The following SYNE1 variants were observed in gnomAD, a reference collection of about 807,000 sequenced individuals.
SYNE1 encodes spectrin repeat containing nuclear envelope protein 1, also known as nesprin-1.
A neutral mutation model predicts 1,111.0 loss-of-function variants in SYNE1; 616 were observed. That is an observed-to-expected ratio of 0.55 (90% confidence interval 0.52 to 0.59). SYNE1 has a LOEUF of 0.59. SYNE1 is among the 20% of genes least tolerant of loss of function. The pLI is 0.00. For synonymous variants in SYNE1, 3,855 were observed against 3,825.8 expected, an observed-to-expected ratio of 1.01 and a Z score of -0.28; for missense variants, 10,006 against 10,417.0, an observed-to-expected ratio of 0.96 and a Z score of 1.72.
intron 90 of SYNE1, among the ~76,000 whole-genome samples, chr6:152,308,911 C>T (rs2095463988): frequency 6.6e-6 from 1 of 152,204 alleles, no homozygotes; most frequent in Non-Finnish European, 1.5e-5. Flanking sequence ...GAAGATGGAA[C>T]ATGACGGTCA....
chr6:152,232,619 T>C (rs2083034658), intron 112 of SYNE1, among the ~76,000 whole-genome samples: 1 of 152,184 alleles, frequency 6.6e-6, no homozygotes, highest in East Asian at 1.9e-4. Flanking sequence ...TTATTAATTA[T>C]CTTGTAAAAT....
chr6:152,610,810 ACCAGCCAGAAGAGAGTGGGGG>A (rs2099629153), intron 3 of SYNE1, among the ~76,000 whole-genome samples: 1 of 152,250 alleles, frequency 6.6e-6, no homozygotes, highest in Non-Finnish European at 1.5e-5. Context: ...CAGAAACCCT[ACCAGCCAGAAGAGAGTGGGGG>A]CCAATATTCA....
intron 2 of SYNE1, among the ~76,000 whole-genome samples, chr6:152,631,687 G>T (rs1207930354): frequency 6.6e-6 from 1 of 152,136 alleles, no homozygotes; most frequent in South Asian, 2.1e-4. Context: ...CAGCTTTAGG[G>T]AACAAAATTT....
intron 3 of SYNE1, among the ~76,000 whole-genome samples, chr6:152,586,510 C>T (rs1327326514): frequency 6.6e-6 from 1 of 151,996 alleles, no homozygotes; most frequent in East Asian, 1.9e-4. Flanking sequence ...ATATATGTAA[C>T]TAATGATAGG....
At chr6:152,168,119 A>C in intron 130 of SYNE1, 1 of 780,306 alleles carries the variant, frequency 1.3e-6, no homozygotes, top group Non-Finnish European at 2.4e-6. Flanking sequence ...CTGCCTTGTG[A>C]CATCGCAGTT....
chr6:152,599,901 C>T (rs1031848887), intron 3 of SYNE1, among the ~76,000 whole-genome samples: 1 of 152,128 alleles, frequency 6.6e-6, no homozygotes, highest in African/African-American at 2.4e-5. Flanking sequence ...GAAATGATAT[C>T]TGGTAGGTGA....
chr6:152,394,392 C>A (rs897140013), intron 51 of SYNE1, among the ~76,000 whole-genome samples: 1 of 151,368 alleles, frequency 6.6e-6, no homozygotes, highest in Admixed American at 6.6e-5. Context: ...TATGTAGATG[C>A]ACTGGCTCTT....
At chr6:152,352,586 T>C (rs1430700856) in intron 69 of SYNE1, among the ~76,000 whole-genome samples, 2 of 152,104 alleles carry the variant, frequency 1.3e-5, no homozygotes, top group Non-Finnish European at 1.5e-5. Context: ...TATTTTTTAG[T>C]AGAGACAGGG....
chr6:152,214,897 T>C lies in SYNE1; in HGVS notation c.22346+9A>G. The C allele has an allele frequency of 6.2e-7, 1 of 1,614,058 alleles. No homozygotes were observed. Among genetic ancestry groups the C allele is most frequent in the East Asian group, 2.2e-5 (1 of 44,868 alleles). ...CTGGAGCAACCAAGACATCTCTTGT[T>C]TACTCTACCTGAATCTTTCTGTAGT... is the stretch of plus-strand genomic sequence containing the variant. On this transcript the variant is annotated intron_variant, in intron 122 of 145. Transcript: ENST00000367255.
chr6:152,162,408 G>A (rs2062704829), intron 131 of SYNE1, among the ~76,000 whole-genome samples: 1 of 151,940 alleles, frequency 6.6e-6, no homozygotes, highest in South Asian at 2.1e-4. Flanking sequence ...ATTTTATTGG[G>A]GTTTTAGTAG....
In SYNE1 at chr6:152,153,038, A is replaced by G. The variant is rs59060063; in HGVS notation, c.24130-897T>C. Among the ~76,000 whole-genome samples, 643 of 152,354 alleles carry G rather than the reference A, an allele frequency of 4.2e-3. 2 individuals carry two copies. The highest frequency in any genetic ancestry group is 0.015 in the African/African-American group (616 of 41,584). The stretch of plus-strand genomic sequence containing the variant: ...ATTTATGACTGATTTTTATCTTGGC[A>G]TTAGACCAAAATGAAAACTATAATT... On this transcript the variant is annotated intron_variant, in intron 133 of 145. Transcript: ENST00000367255.
chr6:152,235,640 C>A (rs969782709), intron 110 of SYNE1, among the ~76,000 whole-genome samples: 1 of 152,162 alleles, frequency 6.6e-6, no homozygotes, highest in African/African-American at 2.4e-5. Context: ...GGATTACAGG[C>A]GTGAGCCACT....
At chr6:152,414,319 G>A (rs183116373) in intron 41 of SYNE1, among the ~76,000 whole-genome samples, 76 of 152,156 alleles carry the variant, frequency 5.0e-4, no homozygotes, top group African/African-American at 1.8e-3. Flanking sequence ...TGAGGCTGGA[G>A]GATCATGTGA....
At chr6:152,411,261 TTA>T (rs1379519327) in intron 42 of SYNE1, among the ~76,000 whole-genome samples, 1 of 152,214 alleles carries the variant, frequency 6.6e-6, no homozygotes, top group Non-Finnish European at 1.5e-5. Flanking sequence ...TTCCACTCGT[TTA>T]TATGTTTATC....
intron 3 of SYNE1, among the ~76,000 whole-genome samples, chr6:152,548,969 C>A (rs1211130005): frequency 1.3e-5 from 2 of 152,178 alleles, no homozygotes; most frequent in African/African-American, 2.4e-5. Flanking sequence ...AACCACTGTG[C>A]AAAGAAAGCA....
intron 81 of SYNE1, 58 bp downstream of exon 81, chr6:152,325,026 C>T: frequency 6.3e-7 from 1 of 1,595,512 alleles, no homozygotes; most frequent in African/African-American, 1.3e-5. Context: ...TACTGTGTTT[C>T]AAAATACATT....
rs1326934133 is a variant in SYNE1 at position 152,371,929 on chromosome 6, AC to A, written c.9507+1107del. ...AAAGGAAAGGAAAGGAAAGGACAGG[AC>A]AGGACAGGAAAGGAAAGGAAAGGAA... On this transcript the variant is annotated intron_variant, in intron 59 of 145. Transcript: ENST00000367255. Among the ~76,000 whole-genome samples, 70 of 68,814 alleles carry A rather than the reference AC, an allele frequency of 1.0e-3. 3 individuals are homozygous for A. Among genetic ancestry groups the A allele is most frequent in the African/African-American group, 1.6e-3 (33 of 20,324 alleles). 45.1% of individuals were successfully genotyped at this position (68,814 alleles called of 152,430 possible). A position where few individuals can be genotyped will look rare whatever the true frequency, so the allele number is the denominator to read the frequency against.
At chr6:152,136,471 A>C in intron 141 of SYNE1, 147 bp downstream of exon 141, 2 of 928,704 alleles carry the variant, frequency 2.2e-6, no homozygotes, top group Non-Finnish European at 3.3e-6. Context: ...AGTAAAATGA[A>C]AAGTTTGGGC....
intron 108 of SYNE1, among the ~76,000 whole-genome samples, chr6:152,238,087 AC>A (rs2084646279): frequency 6.6e-6 from 1 of 151,518 alleles, no homozygotes; most frequent in South Asian, 2.1e-4. Flanking sequence ...TAAACAATAA[AC>A]CAAAAACAAA....
Sources: allele counts gnomAD v4.1 joint callset (sites outside exome capture counted in the v4.1 genomes callset), GRCh38; gene constraint gnomAD v4.1.1; transcripts MANE v1.5; gene names NCBI Gene and HGNC (gene_info 2026-07-23, HGNC 2026-07-21).